MRPL33: variants seen among roughly 807,000 people sequenced by gnomAD.
MRPL33 encodes the protein mitochondrial ribosomal protein L33.
Under a neutral mutation model 10.1 loss-of-function variants are expected in MRPL33, and 5 were observed. The observed-to-expected ratio is 0.49, with a 90% CI of 0.26 to 1.04. The LOEUF is 1.04. Among genes scored for constraint, MRPL33 ranks in the 50% least tolerant of loss-of-function variants. MRPL33 has a pLI of 0.14. For synonymous variants in MRPL33, 24 were observed against 27.7 expected, an observed-to-expected ratio of 0.87 and a Z score of 0.42; for missense variants, 79 against 78.1, an observed-to-expected ratio of 1.01 and a Z score of -0.04.
At chr2:27,779,392 TTAA>T (rs1677233538) in intron 3 of MRPL33, 38 bp from the exon 4 acceptor site, 1 of 1,576,894 alleles carries the variant, frequency 6.3e-7, no homozygotes. Context: ...GCGATGATAC[TTAA>T]TAATTTTCTG....
Position 27,774,598 on chromosome 2 carries a change from T to C in MRPL33, c.148+68T>C, listed in dbSNP as rs1268218989. The C allele has an allele frequency of 1.0e-5, 13 of 1,260,686 alleles. No individual in the cohort carries two copies. The African/African-American group carries it at 1.6e-4, about 16-fold the overall frequency. 78.1% of individuals were successfully genotyped at this position (1,260,686 alleles called of 1,614,324 possible). On this transcript the variant is annotated intron_variant, in intron 3 of 3. Transcript: ENST00000296102. ...CTTTGTAGGCTGAACATCTGAACTC[T>C]CTGGAGGTGTTTTTTTAGCCTCTGA...
At chr2:27,772,962 C>T (rs1026099960) in intron 2 of MRPL33, 18 of 441,406 alleles carry the variant, frequency 4.1e-5, no homozygotes, top group African/African-American at 3.3e-4. Flanking sequence ...AGCTCACTGT[C>T]TGTTTCTAAA....
At chr2:27,777,545 C>G (rs1207632869) in intron 3 of MRPL33, among the ~76,000 whole-genome samples, 1 of 152,034 alleles carries the variant, frequency 6.6e-6, no homozygotes, top group Non-Finnish European at 1.5e-5. Flanking sequence ...ATGAGGACTT[C>G]TGTCACCATT....
chr2:27,775,535 A>G (rs1022666932), intron 3 of MRPL33, among the ~76,000 whole-genome samples: 3 of 151,902 alleles, frequency 2.0e-5, no homozygotes, highest in African/African-American at 4.8e-5. Flanking sequence ...TATTTTTAGT[A>G]GAGATAGGGT....
intron 3 of MRPL33, 99 bp downstream of exon 3, chr2:27,774,629 G>T: frequency 2.3e-6 from 2 of 854,420 alleles, no homozygotes; most frequent in South Asian, 1.4e-5. Context: ...TCTGACACTA[G>T]CATTCATTTA....
intron 3 of MRPL33, among the ~76,000 whole-genome samples, chr2:27,775,994 G>A (rs1677142115): frequency 6.6e-6 from 1 of 152,156 alleles, no homozygotes; most frequent in Non-Finnish European, 1.5e-5. Context: ...TCAAAGGGGT[G>A]ACTGAGTAAC....
At chr2:27,772,873 C>A (rs1677079359) in intron 2 of MRPL33, 181 bp downstream of exon 2, 1 of 575,930 alleles carries the variant, frequency 1.7e-6, no homozygotes, top group Admixed American at 3.4e-5. Context: ...TATTTTCCCT[C>A]CTGCTGAACT....
At chr2:27,772,423 A>G (rs1351003389) in intron 1 of MRPL33, 6 of 425,970 alleles carry the variant, frequency 1.4e-5, no homozygotes, top group Non-Finnish European at 2.5e-5. Context: ...AGCCAGTCCA[A>G]CAGTCATGAA....
At chr2:27,778,079 CATAG>C (rs760093909) in intron 3 of MRPL33, among the ~76,000 whole-genome samples, 20 of 152,158 alleles carry the variant, frequency 1.3e-4, no homozygotes, top group African/African-American at 2.7e-4. Context: ...GTATTAATAT[CATAG>C]ATAAATTCTG....
chr2:27,776,445 C>G (rs1302600570), intron 3 of MRPL33, among the ~76,000 whole-genome samples: 1 of 152,250 alleles, frequency 6.6e-6, no homozygotes, highest in Middle Eastern at 3.2e-3. Flanking sequence ...GATTGTTGGT[C>G]TGCTTTATGA....
chr2:27,775,574 AC>A (rs1329752295), intron 3 of MRPL33, among the ~76,000 whole-genome samples: 8 of 151,128 alleles, frequency 5.3e-5, no homozygotes, highest in Admixed American at 4.0e-4. Context: ...CTGGTCTTGA[AC>A]TCCTGACCTC....
chr2:27,778,676 T>A (rs970636695), intron 3 of MRPL33, among the ~76,000 whole-genome samples: 8 of 152,070 alleles, frequency 5.3e-5, no homozygotes, highest in Admixed American at 3.3e-4. Flanking sequence ...TGCGCCAGCC[T>A]CCCGCGTAGC....
At chr2:27,774,395 G>A (rs781209728) in intron 2 of MRPL33, 29 bp from the exon 3 acceptor site, 6 of 1,581,158 alleles carry the variant, frequency 3.8e-6, no homozygotes, top group East Asian at 4.5e-5. Context: ...TCGTCAGCTC[G>A]TACATAACAG....
At chr2:27,772,425 A>G (rs1278556293) in intron 1 of MRPL33, 2 of 428,096 alleles carry the variant, frequency 4.7e-6, no homozygotes, top group Non-Finnish European at 8.2e-6. Context: ...CCAGTCCAAC[A>G]GTCATGAAAT....
In MRPL33 at chr2:27,771,765, A is replaced by G. The variant is rs759879616; in HGVS notation, c.-13A>G. ...TTTTGGCCGGTGACGGAGACTGCCC[A>G]GGTGTGGTCACCATGTTCCTCTCCG... On this transcript the variant is annotated 5_prime_UTR_variant, in exon 1 of 4. Transcript: ENST00000296102. 5 of 1,614,146 alleles carry G rather than the reference A, an allele frequency of 3.1e-6. No individual in the cohort carries two copies. In the South Asian group the frequency reaches 3.3e-5, roughly 11 times the overall value.
intron 3 of MRPL33, among the ~76,000 whole-genome samples, chr2:27,778,091 C>T (rs1029663098): frequency 2.0e-5 from 3 of 152,270 alleles, no homozygotes; most frequent in Non-Finnish European, 4.4e-5. Context: ...TAGATAAATT[C>T]TGTTGACAGG....
intron 3 of MRPL33, among the ~76,000 whole-genome samples, chr2:27,775,118 G>A (rs1301909257): frequency 1.3e-5 from 2 of 152,132 alleles, no homozygotes; most frequent in Admixed American, 6.5e-5. Context: ...CTAAAATGCT[G>A]TACTATATGG....
intron 1 of MRPL33, chr2:27,772,188 C>A: frequency 3.6e-6 from 1 of 275,474 alleles, no homozygotes; most frequent in Non-Finnish European, 6.8e-6. Context: ...CTGAGTAATG[C>A]GGCAGGGCAG....
chr2:27,771,746 C>A lies in MRPL33; in HGVS notation c.-32C>A. On this transcript the variant is annotated 5_prime_UTR_variant, in exon 1 of 4. Coordinates refer to ENST00000296102, the MANE Select transcript of MRPL33 (RefSeq NM_004891.4). Reference sequence around the variant, plus strand: ...TTGTTGTTGGTTGGGGGCCTTTTGGCCGGTGACGGAGACTGCCCAGGTGTG... The same window carrying A: ...TTGTTGTTGGTTGGGGGCCTTTTGGACGGTGACGGAGACTGCCCAGGTGTG... 3 of 1,613,748 alleles carry A rather than the reference C, an allele frequency of 1.9e-6. No individual in the cohort carries two copies. Among genetic ancestry groups the A allele is most frequent in the Non-Finnish European group, 1.7e-6 (2 of 1,179,772 alleles).
Sources: gnomAD v4.1 joint callset for allele counts (sites outside exome capture counted in the v4.1 genomes callset) on GRCh38, gnomAD v4.1.1 for gene constraint, MANE v1.5 for transcripts, NCBI Gene and HGNC (gene_info 2026-07-23, HGNC 2026-07-21) for gene names.